The following UPRT variants were observed in gnomAD, a reference collection of about 807,000 sequenced individuals.
UPRT encodes the protein RP11-311P8.3.
Under a neutral mutation model 22.6 loss-of-function variants are expected in UPRT, and 5 were observed. That is an observed-to-expected ratio of 0.22 (90% CI 0.12 to 0.47). The LOEUF (loss-of-function observed/expected upper bound fraction) is 0.47. UPRT is among the 20% of genes least tolerant of loss of function. The pLI, the probability that UPRT is intolerant of heterozygous loss-of-function variation, is 0.99. For missense variants in UPRT, 181 were observed against 239.9 expected (o/e 0.75, Z 1.62); for synonymous variants, 77 against 87.7 (o/e 0.88, Z 0.68).
intron 4 of UPRT, among the ~76,000 whole-genome samples, chrX:75,248,411 T>A (rs902907290): frequency 1.8e-5 from 2 of 111,809 alleles, no homozygotes; most frequent in Non-Finnish European, 3.8e-5. Context: ...ACGTGACAAA[T>A]GCACAACTCT....
intron 3 of UPRT, among the ~76,000 whole-genome samples, chrX:75,165,541 G>A (rs2082210827): frequency 9.0e-6 from 1 of 111,384 alleles, no homozygotes; most frequent in African/African-American, 3.3e-5. Context: ...TCCAATGTTT[G>A]AAGCAGCAGA....
At chrX:75,187,273 C>T (rs1364281368) in intron 4 of UPRT, among the ~76,000 whole-genome samples, 2 of 111,063 alleles carry the variant, frequency 1.8e-5, no homozygotes, top group Non-Finnish European at 3.8e-5. Context: ...ATTTCTCCTT[C>T]ACTTATGAAG....
chrX:75,297,589 A>G (rs756245366), intron 4 of UPRT, 36 bp downstream of exon 4: 2 of 1,179,850 alleles, frequency 1.7e-6, no homozygotes, highest in South Asian at 1.8e-5. Flanking sequence ...GTCTCTTTGT[A>G]TGCATAGAAA....
chrX:75,159,406 C>T (rs1167436406), intron 1 of UPRT, among the ~76,000 whole-genome samples: 1 of 112,140 alleles, frequency 8.9e-6, no homozygotes, highest in East Asian at 2.8e-4. Flanking sequence ...TGATTATTAC[C>T]TTGTTGTATA....
chrX:75,263,939 A>G (rs2147671939), intron 4 of UPRT, among the ~76,000 whole-genome samples: 1 of 109,970 alleles, frequency 9.1e-6, no homozygotes, highest in South Asian at 4.0e-4. Context: ...GTTGGTTTCA[A>G]AGAACATCTT....
At chrX:75,272,328 A>G (rs1166637897), upstream of UPRT, among the ~76,000 whole-genome samples, 12 of 95,733 alleles carry the variant, frequency 1.3e-4, no homozygotes, top group African/African-American at 4.5e-4. Context: ...ATACATATAT[A>G]TGTATATATA....
At chrX:75,183,144 G>T (rs1432412164) in intron 4 of UPRT, among the ~76,000 whole-genome samples, 1 of 110,262 alleles carries the variant, frequency 9.1e-6, no homozygotes, top group East Asian at 2.8e-4. Context: ...TTTACATTAG[G>T]TATATCTCCT....
chrX:75,213,721 A>AG (rs1424519783), intron 4 of UPRT, among the ~76,000 whole-genome samples: 1 of 112,022 alleles, frequency 8.9e-6, no homozygotes, highest in Non-Finnish European at 1.9e-5. Flanking sequence ...GCAAAAAAAA[A>AG]GTATCAGGAT....
At position 75,267,300 on chromosome X, in the gene UPRT, A is replaced by G. The variant is rs144588266; in HGVS notation, c.-446-23724A>G. Among the ~76,000 whole-genome samples the G allele has an allele frequency of 2.9e-3, 326 of 111,801 alleles. 1 individual carries two copies. The highest frequency in any genetic ancestry group is 9.6e-3 in the African/African-American group (296 of 30,769). On this transcript the variant is annotated intron_variant, in intron 4 of 13. Transcript: ENST00000652605. Reference sequence around the variant, plus strand: ...AGGGACACGGATGAAGCTGGAAACCATCATTCTCAGCAAACTATCACAAGG... The same window carrying G: ...AGGGACACGGATGAAGCTGGAAACCGTCATTCTCAGCAAACTATCACAAGG...
chrX:75,299,546 C>A (rs1466701311), intron 4 of UPRT, among the ~76,000 whole-genome samples, 189 bp from the exon 5 acceptor site: 1 of 111,794 alleles, frequency 8.9e-6, no homozygotes, highest in Non-Finnish European at 1.9e-5. Context: ...AGCCCTTAAC[C>A]TGGTTTCATT....
chrX:75,237,636 A>G (rs1310367017), intron 4 of UPRT, among the ~76,000 whole-genome samples: 3 of 110,523 alleles, frequency 2.7e-5, no homozygotes, highest in African/African-American at 6.6e-5. Context: ...TGATGAATTC[A>G]TGTCCTTTTT....
chrX:75,254,062 T>C (rs2082541072), intron 4 of UPRT, among the ~76,000 whole-genome samples: 1 of 111,421 alleles, frequency 9.0e-6, no homozygotes, highest in Non-Finnish European at 1.9e-5. Flanking sequence ...AGAAGTCTCC[T>C]AGCCAAAACT....
chrX:75,227,488 A>G (rs1238367568), intron 4 of UPRT, among the ~76,000 whole-genome samples: 1 of 111,630 alleles, frequency 9.0e-6, no homozygotes, highest in Admixed American at 9.5e-5. Flanking sequence ...CCCTATTTCC[A>G]CATTCGATGA....
chrX:75,298,698 A>G (rs2082734589), intron 4 of UPRT, among the ~76,000 whole-genome samples: 1 of 112,220 alleles, frequency 8.9e-6, no homozygotes, highest in Non-Finnish European at 1.9e-5. Flanking sequence ...CCTTTTTTCT[A>G]GGAGGAAGCT....
chrX:75,210,286 C>T (rs1216674193), intron 4 of UPRT, among the ~76,000 whole-genome samples: 1 of 111,543 alleles, frequency 9.0e-6, no homozygotes, highest in Non-Finnish European at 1.9e-5. Context: ...GGCATTCATC[C>T]AGATGTGTCC....
chrX:75,168,708 T>C (rs1162123365), intron 4 of UPRT, among the ~76,000 whole-genome samples: 1 of 110,591 alleles, frequency 9.0e-6, no homozygotes, highest in East Asian at 2.8e-4. Context: ...TTTGTATTTT[T>C]AGCGGAGACT....
chrX:75,283,264 C>T (rs193245157), intron 1 of UPRT, among the ~76,000 whole-genome samples: 27 of 111,277 alleles, frequency 2.4e-4, no homozygotes, highest in Admixed American at 8.6e-4. Flanking sequence ...GCATTTAGGC[C>T]ATTTACATTC....
intron 4 of UPRT, among the ~76,000 whole-genome samples, chrX:75,190,881 A>T (rs902964246): frequency 1.9e-5 from 2 of 107,127 alleles, no homozygotes; most frequent in Admixed American, 2.0e-4. Context: ...CCATTTGTCT[A>T]TTTTTTTTTC....
At chrX:75,195,751 G>A (rs1280593403) in intron 4 of UPRT, among the ~76,000 whole-genome samples, 14 of 111,634 alleles carry the variant, frequency 1.3e-4, no homozygotes, top group Admixed American at 3.8e-4. Context: ...TTTCAGCCCA[G>A]GATCTGTGTC....
Sources: allele counts gnomAD v4.1 joint callset (sites outside exome capture counted in the v4.1 genomes callset), GRCh38; gene constraint gnomAD v4.1.1; transcripts MANE v1.5; gene names NCBI Gene and HGNC (gene_info 2026-07-23, HGNC 2026-07-21).